PSPC1: variants seen among roughly 807,000 people sequenced by gnomAD.
PSPC1 encodes the protein paraspeckle component 1.
A neutral mutation model predicts 51.6 loss-of-function variants in PSPC1; 14 were observed. That is an observed-to-expected ratio of 0.27 (90% confidence interval 0.18 to 0.42). The LOEUF is 0.42. Among genes scored for constraint, PSPC1 ranks in the 10% least tolerant of loss-of-function variants. The pLI, the probability that PSPC1 is intolerant of heterozygous loss-of-function variation, is 1.00. For missense variants in PSPC1, 406 were observed against 701.1 expected, an observed-to-expected ratio of 0.58 and a Z score of 4.75; for synonymous variants, 193 against 231.9, an observed-to-expected ratio of 0.83 and a Z score of 1.53.
chr13:19,696,117 C>G (rs187875883), intron 6 of PSPC1, among the ~76,000 whole-genome samples: 17 of 152,036 alleles, frequency 1.1e-4, no homozygotes, highest in South Asian at 8.3e-4. Context: ...CAAACCAAAC[C>G]CATTTATGTT....
rs1889713249 is a variant in PSPC1, at chr13:19,779,881, C to T, written c.372+2505G>A. 3.6e-5 allele frequency among the ~76,000 whole-genome samples: 4 copies of T among 111,254 alleles called. No homozygotes were observed. In the South Asian group the frequency reaches 1.0e-3, roughly 28 times the overall value. 73.0% of individuals were successfully genotyped at this position (111,254 alleles called of 152,430 possible). A position where few individuals can be genotyped will look rare whatever the true frequency, so the allele number is the denominator to read the frequency against. ...GAGGTGGGGGGGTCGGCCCCCCGCC[C>T]GGCCAGCCGCCCCGTCCGGGAGGGA... On this transcript the variant is annotated intron_variant, in intron 1 of 8. Transcript: ENST00000338910.
chr13:19,781,881 G>A (rs1382755919), intron 1 of PSPC1, among the ~76,000 whole-genome samples: 1 of 152,234 alleles, frequency 6.6e-6, no homozygotes, highest in East Asian at 1.9e-4. Flanking sequence ...TGTTTAAGAA[G>A]CAAGTCTCCT....
In PSPC1 at chr13:19,756,549, G is replaced by A. The variant is rs954602248; in HGVS notation, c.770+2774C>T. 5.3e-4 allele frequency among the ~76,000 whole-genome samples: 81 copies of A among 151,914 alleles called. 1 individual carries two copies. The highest frequency in any genetic ancestry group is 1.9e-3 in the African/African-American group (78 of 41,508). On this transcript the variant is annotated intron_variant, in intron 3 of 8. Transcript: ENST00000338910. The stretch of plus-strand genomic sequence containing the variant: ...CGGAGTCTCACTGTCATCCAGGCTG[G>A]AGTGTGGTGGCGCGATCTTGGCTCA...
At chr13:19,724,205 AAACTGT>A (rs1156690153) in intron 6 of PSPC1, among the ~76,000 whole-genome samples, 1 of 152,262 alleles carries the variant, frequency 6.6e-6, no homozygotes, top group Admixed American at 6.5e-5. Flanking sequence ...GGAAACCACA[AAACTGT>A]AACTTCTGCT....
intron 6 of PSPC1, among the ~76,000 whole-genome samples, chr13:19,717,698 T>C (rs866273370): frequency 1.0e-3 from 128 of 126,010 alleles, no homozygotes; most frequent in South Asian, 2.1e-3. Flanking sequence ...AGAGAAAGAC[T>C]CTGTCTCAAA....
rs1890118463 is a variant in PSPC1, at chr13:19,782,776, GAC to G, written c.-21_-20del. 1 of 1,524,666 alleles carries G rather than the reference GAC, an allele frequency of 6.6e-7. No homozygotes were observed. The highest frequency in any genetic ancestry group is 1.4e-5 in the African/African-American group (1 of 69,036). 94.4% of individuals were successfully genotyped at this position (1,524,666 alleles called of 1,614,324 possible). A position where few individuals can be genotyped will look rare whatever the true frequency, so the allele number is the denominator to read the frequency against. ...ACATCATCTTACTGAGTTCGCCTCG[GAC>G]ACCGGATACAGGCCTAGATTTATAG... On this transcript the variant is annotated 5_prime_UTR_variant, in exon 1 of 9. Transcript: ENST00000338910. The surrounding 1 kb of genome is among the most constrained non-coding windows in gnomAD (Gnocchi z 4.5).
intron 6 of PSPC1, among the ~76,000 whole-genome samples, chr13:19,716,856 A>G (rs1882152710): frequency 6.6e-6 from 1 of 152,226 alleles, no homozygotes; most frequent in African/African-American, 2.4e-5. Context: ...TAACAGAACA[A>G]TAAGGTTATA....
intron 7 of PSPC1, among the ~76,000 whole-genome samples, chr13:19,677,093 C>A (rs1034416445): frequency 2.6e-5 from 4 of 151,978 alleles, no homozygotes; most frequent in African/African-American, 9.7e-5. Context: ...ATTAGCCGGG[C>A]ATGGTGGCAG....
chr13:19,707,472 T>G (rs1806662789), intron 7 of PSPC1, among the ~76,000 whole-genome samples: 1 of 152,212 alleles, frequency 6.6e-6, no homozygotes, highest in Non-Finnish European at 1.5e-5. Context: ...CAATGTAACT[T>G]GATGAGTTAT....
At chr13:19,704,664 CCGA>C (rs1880421890) in intron 8 of PSPC1, among the ~76,000 whole-genome samples, 3 of 136,152 alleles carry the variant, frequency 2.2e-5, no homozygotes, top group Non-Finnish European at 4.9e-5. Flanking sequence ...TGCCTAAAGT[CCGA>C]TTTATATAGT....
intron 1 of PSPC1, among the ~76,000 whole-genome samples, chr13:19,779,393 C>CT: frequency 1.1e-5 from 1 of 94,314 alleles, no homozygotes; most frequent in Non-Finnish European, 2.3e-5. Context: ...GGGTCAGCCC[C>CT]CCGCCCGGCC....
intron 1 of PSPC1, among the ~76,000 whole-genome samples, chr13:19,780,265 G>A (rs1889800613): frequency 7.0e-6 from 1 of 143,818 alleles, no homozygotes; most frequent in African/African-American, 2.5e-5. Flanking sequence ...CCCCTACTGG[G>A]AAGTGAGGAG....
At chr13:19,758,262 G>C (rs945260918) in intron 3 of PSPC1, among the ~76,000 whole-genome samples, 1 of 151,748 alleles carries the variant, frequency 6.6e-6, no homozygotes, top group Non-Finnish European at 1.5e-5. Context: ...GCAGTGAGCC[G>C]AGATCGTGCC....
chr13:19,728,422 C>T (rs1313604801), intron 6 of PSPC1, among the ~76,000 whole-genome samples: 1 of 144,496 alleles, frequency 6.9e-6, no homozygotes, highest in Non-Finnish European at 1.5e-5. Flanking sequence ...CATAAGAGGG[C>T]CTAATTTCAA....
At chr13:19,766,027 ATT>A in intron 2 of PSPC1, among the ~76,000 whole-genome samples, 1 of 152,330 alleles carries the variant, frequency 6.6e-6, no homozygotes, top group South Asian at 2.1e-4. Flanking sequence ...AAAGTACAAA[ATT>A]ATTTTTGTAC....
At chr13:19,779,478 G>A (rs1358191570) in intron 1 of PSPC1, among the ~76,000 whole-genome samples, 6 of 40,430 alleles carry the variant, frequency 1.5e-4, no homozygotes, top group South Asian at 1.3e-3. Context: ...CCCTCAGCCC[G>A]GCCAGCCACC....
rs771100608 is a variant in PSPC1, at chr13:19,782,908, C to A, written c.-151G>T. ...AGGCGAGTCGGCAACCCGTCCTCCC[C>A]CAACTCACGCCCGCTGCAGCTGCAC... On this transcript the variant is annotated 5_prime_UTR_variant, in exon 1 of 9. Coordinates refer to ENST00000338910, the MANE Select transcript of PSPC1 (RefSeq NM_001354909.2). The surrounding 1 kb of genome is among the most constrained non-coding windows in gnomAD (Gnocchi z 4.5). 107 of 773,602 alleles carry A rather than the reference C, an allele frequency of 1.4e-4. No homozygotes were observed. Among genetic ancestry groups the A allele is most frequent in the Non-Finnish European group, 1.9e-4 (102 of 539,424 alleles). 47.9% of individuals were successfully genotyped at this position (773,602 alleles called of 1,614,324 possible).
chr13:19,673,878 A>G (rs1473675727), downstream of PSPC1, among the ~76,000 whole-genome samples: 1 of 152,270 alleles, frequency 6.6e-6, no homozygotes, highest in African/African-American at 2.4e-5. Context: ...AGTACAGGTC[A>G]AGGCCCAGGG....
rs118097645 is a variant in PSPC1 at position 19,736,730 on chromosome 13, T to C, written c.1052+4835A>G. On this transcript the variant is annotated intron_variant, in intron 5 of 8. Transcript: ENST00000338910. ...AAAAAATTACATCTGCAACAAGTAT[T>C]CCACATCTCAGCCTATGATTAAATC... Among the ~76,000 whole-genome samples, 684 of 152,240 alleles carry C rather than the reference T, an allele frequency of 4.5e-3. 5 individuals are homozygous for C. Among genetic ancestry groups the C allele is most frequent in the South Asian group, 0.025 (120 of 4,818 alleles).
Sources: allele counts gnomAD v4.1 joint callset (sites outside exome capture counted in the v4.1 genomes callset), GRCh38; gene constraint gnomAD v4.1.1; non-coding constraint Gnocchi (gnomAD v3.1); transcripts MANE v1.5; gene names NCBI Gene and HGNC (gene_info 2026-07-23, HGNC 2026-07-21).